The following COL27A1 variants were observed in gnomAD, a reference collection of about 807,000 sequenced individuals.
COL27A1 encodes collagen type XXVII alpha 1 chain, also known as collagen alpha-1(XXVII) chain.
A neutral mutation model predicts 251.3 loss-of-function variants in COL27A1; 106 were observed. That is an observed-to-expected ratio of 0.42 (90% CI 0.36 to 0.50). COL27A1 has a LOEUF of 0.50. Among genes scored for constraint, COL27A1 ranks in the 20% least tolerant of loss-of-function variants. COL27A1 has a pLI of 0.00. For missense variants in COL27A1, 2,325 were observed against 2,522.8 expected, an observed-to-expected ratio of 0.92 and a Z score of 1.68; for synonymous variants, 1,000 against 986.3, an observed-to-expected ratio of 1.01 and a Z score of -0.26.
At chr9:114,218,888 G>A (rs1011063562) in intron 12 of COL27A1, among the ~76,000 whole-genome samples, 10 of 151,924 alleles carry the variant, frequency 6.6e-5, no homozygotes, top group African/African-American at 2.4e-4. Context: ...CATCCTCCAT[G>A]AGGAATGTTT....
intron 1 of COL27A1, 66 bp downstream of exon 1, chr9:114,156,078 G>T: frequency 7.7e-7 from 1 of 1,291,748 alleles, no homozygotes. Flanking sequence ...GGAGGGCCGG[G>T]GTTCCCCGCC....
At chr9:114,210,882 T>C in intron 11 of COL27A1, 100 bp from the exon 12 acceptor site, 2 of 1,215,980 alleles carry the variant, frequency 1.6e-6, no homozygotes, top group Non-Finnish European at 1.2e-6. Flanking sequence ...CCAGGCCCTC[T>C]GTGACTTCCT....
intron 3 of COL27A1, 151 bp downstream of exon 3, chr9:114,169,614 G>A (rs904026756): frequency 2.5e-5 from 14 of 552,902 alleles, no homozygotes; most frequent in African/African-American, 2.4e-4. Flanking sequence ...CCAGGCCCCC[G>A]GCTCCTCTGG....
chr9:114,192,827 C>T (rs997849394), intron 5 of COL27A1, among the ~76,000 whole-genome samples: 2 of 152,180 alleles, frequency 1.3e-5, no homozygotes, highest in Non-Finnish European at 2.9e-5. Flanking sequence ...CTTTCTAGTT[C>T]AGAATGCAGT....
At chr9:114,296,513 T>A (rs1207027679) in intron 49 of COL27A1, among the ~76,000 whole-genome samples, 1 of 152,236 alleles carries the variant, frequency 6.6e-6, no homozygotes, top group African/African-American at 2.4e-5. Context: ...TGCTATGGCA[T>A]ACCTATTAAA....
rs981440456 is a variant in COL27A1 at position 114,253,258 on chromosome 9, C to CA, written c.3141+334dup. Among the ~76,000 whole-genome samples, 551 of 108,424 alleles carry CA rather than the reference C, an allele frequency of 5.1e-3. 8 individuals carry two copies. Among genetic ancestry groups the CA allele is most frequent in the African/African-American group, 0.021 (507 of 24,318 alleles). The allele number at this position is 108,424 out of a possible 152,430, so 71.1% of individuals were successfully genotyped here. On this transcript the variant is annotated intron_variant, in intron 27 of 60. Coordinates refer to ENST00000356083, the MANE Select transcript of COL27A1 (RefSeq NM_032888.4). The stretch of plus-strand genomic sequence containing the variant: ...TGGGTGATAGAGCTAGACCCTGTCT[C>CA]AAAAAAAAGAAAGGAAAAGAAAGAA...
chr9:114,182,965 C>T (rs1014828467), intron 4 of COL27A1, 57 bp from the exon 5 acceptor site: 24 of 1,472,364 alleles, frequency 1.6e-5, no homozygotes, highest in African/African-American at 7.0e-5. Flanking sequence ...CTGTCAGAGG[C>T]GAGATGGCCC....
In COL27A1 at chr9:114,169,404, T is replaced by C; in HGVS notation, c.1849T>C (p.Ser617Pro). 6.3e-7 allele frequency: 1 copy of C among 1,597,158 alleles called. No homozygotes were observed. Among genetic ancestry groups the C allele is most frequent in the Non-Finnish European group, 8.5e-7 (1 of 1,172,752 alleles). The change falls in exon 3 of 61, where the codon TCT becomes CCT. Residue 617 changes from serine to proline, a missense_variant. This residue lies in a region of COL27A1 where 1,183 missense variants were observed against 1,144.1 expected (regional missense o/e 1.03). Transcript: ENST00000356083. ...SGYSIFHLAG[S>P]TPFPLLMGPP... ...CTATTCGATCTTCCACCTGGCAGGA[T>C]CTACGCCTTTCCCTCTGCTGATGGG... is the stretch of plus-strand genomic sequence containing the variant.
rs1831970104 is a variant in COL27A1, at chr9:114,231,732, G to C, written c.2521-90G>C. On this transcript the variant is annotated intron_variant, in intron 15 of 60. Transcript: ENST00000356083. The stretch of plus-strand genomic sequence containing the variant: ...CACTGAGGTTGGGGGATCTAGCACG[G>C]GGTCTTGCAGCAAGTCGTGTTTAAG... 3.8e-6 allele frequency: 5 copies of C among 1,301,794 alleles called. No individual in the cohort carries two copies. The East Asian group carries it at 9.2e-5, about 24-fold the overall frequency. 80.6% of individuals were successfully genotyped at this position (1,301,794 alleles called of 1,614,324 possible).
intron 27 of COL27A1, among the ~76,000 whole-genome samples, chr9:114,254,197 C>A (rs1291921831): frequency 1.3e-5 from 2 of 152,070 alleles, no homozygotes; most frequent in Non-Finnish European, 2.9e-5. Context: ...AAATGCTGGA[C>A]AAACAGGGCT....
upstream of COL27A1, among the ~76,000 whole-genome samples, chr9:114,154,467 G>A (rs984270092): frequency 2.0e-5 from 3 of 152,020 alleles, no homozygotes; most frequent in Non-Finnish European, 4.4e-5. This position sits in a 1 kb window ranked among gnomAD's most constrained non-coding sequence, Gnocchi z 5.8. Flanking sequence ...GGGTACACGC[G>A]TGAGGAGTGA....
At chr9:114,171,269 A>G (rs190002345) in intron 3 of COL27A1, among the ~76,000 whole-genome samples, 1 of 152,228 alleles carries the variant, frequency 6.6e-6, no homozygotes, top group Admixed American at 6.5e-5. Flanking sequence ...GGACCTGCCC[A>G]AGGCCACGCA....
intron 7 of COL27A1, among the ~76,000 whole-genome samples, chr9:114,204,263 C>A (rs143298827): frequency 1.1e-3 from 173 of 152,246 alleles, no homozygotes; most frequent in African/African-American, 3.7e-3. Flanking sequence ...GAGCTCCCTG[C>A]GTAAGAGGGT....
chr9:114,237,045 GCTCCTCCAGCACCCCCAAACCTCACA>G lies in COL27A1; in HGVS notation c.2673+15_2673+40del. 6.3e-7 allele frequency: 1 copy of G among 1,594,326 alleles called. No individual in the cohort carries two copies. Among genetic ancestry groups the G allele is most frequent in the East Asian group, 2.2e-5 (1 of 44,610 alleles). On this transcript the variant is annotated intron_variant, in intron 18 of 60. Transcript: ENST00000356083. ...AAGCCAGGGCCTCTGGTAAGTACCT[GCTCCTCCAGCACCCCCAAACCTCACA>G]CTCTCCAACTGATCGTGTAATGTGG...
intron 5 of COL27A1, among the ~76,000 whole-genome samples, chr9:114,184,888 C>T (rs1049375518): frequency 1.3e-5 from 2 of 152,184 alleles, no homozygotes; most frequent in African/African-American, 4.8e-5. Flanking sequence ...CATCAAGATG[C>T]CGAGCATCAG....
At chr9:114,240,541 GCCTGCCCTGT>G (rs1479855119) in intron 21 of COL27A1, 54 bp downstream of exon 21, 1 of 1,546,660 alleles carries the variant, frequency 6.5e-7, no homozygotes, top group Non-Finnish European at 8.8e-7. Flanking sequence ...GCAGCCCCCA[GCCTGCCCTGT>G]CCTGGGTACT....
intron 25 of COL27A1, among the ~76,000 whole-genome samples, chr9:114,251,609 A>G (rs1214060382): frequency 6.6e-6 from 1 of 152,228 alleles, no homozygotes; most frequent in East Asian, 1.9e-4. Context: ...TGATAGCACA[A>G]CATCAAAGCC....
In COL27A1 at chr9:114,290,109, C is replaced by T. The variant is rs1471699245; in HGVS notation, c.4258C>T (p.Gln1420Ter). Reference protein sequence around the residue: ...KAGAPGRRGVQGLQGLPGPRG... With the variant: ...KAGAPGRRGV The stretch of plus-strand genomic sequence containing the variant: ...AGGGGCCCCAGGCCGGAGGGGGGTC[C>T]AGGTGAGTGACTACAGCTGCTGTTT... Residue 1420 changes from glutamine to a stop codon, truncating the protein, a stop_gained and splice_region_variant, in exon 46 of 61, where the codon CAG (glutamine) becomes TAG (stop). Coordinates refer to ENST00000356083, the MANE Select transcript of COL27A1 (RefSeq NM_032888.4). LOFTEE classifies it high-confidence loss of function. The surrounding 1 kb of genome is among the most constrained non-coding windows in gnomAD (Gnocchi z 4.6). 6.2e-7 allele frequency: 1 copy of T among 1,611,672 alleles called. No individual in the cohort carries two copies. Among genetic ancestry groups the T allele is most frequent in the Non-Finnish European group, 8.5e-7 (1 of 1,179,910 alleles).
rs1009836804 is a variant in COL27A1 at position 114,290,168 on chromosome 9, C to G, written c.4261-56C>G. 2.5e-6 allele frequency: 4 copies of G among 1,591,380 alleles called. No homozygotes were observed. Among genetic ancestry groups the G allele is most frequent in the Non-Finnish European group, 3.4e-6 (4 of 1,166,096 alleles). On this transcript the variant is annotated intron_variant, in intron 46 of 60. Coordinates refer to ENST00000356083, the MANE Select transcript of COL27A1 (RefSeq NM_032888.4). The surrounding 1 kb of genome is among the most constrained non-coding windows in gnomAD (Gnocchi z 4.6). Reference sequence around the variant, plus strand: ...CCTCCCTGCCCGCCCCCCACACCCGCCCTCCTCCCACTCCCTGCACCAAAT... The same window carrying G: ...CCTCCCTGCCCGCCCCCCACACCCGGCCTCCTCCCACTCCCTGCACCAAAT...
Sources: allele counts gnomAD v4.1 joint callset (sites outside exome capture counted in the v4.1 genomes callset), GRCh38; gene constraint gnomAD v4.1.1; regional missense constraint gnomAD v4.1.1; non-coding constraint Gnocchi (gnomAD v3.1); transcripts MANE v1.5; gene names NCBI Gene and HGNC (gene_info 2026-07-23, HGNC 2026-07-21).